TIMP3: variants seen among roughly 807,000 people sequenced by gnomAD.
The protein encoded by TIMP3 is metalloproteinase inhibitor 3.
Under a neutral mutation model 30.0 loss-of-function variants are expected in TIMP3, and 11 were observed. The observed-to-expected ratio is 0.37, with a 90% CI of 0.23 to 0.61. The LOEUF is 0.61. Among genes scored for constraint, TIMP3 ranks in the 20% least tolerant of loss-of-function variants. The pLI is 0.70. For synonymous variants in TIMP3, 112 were observed against 111.3 expected (o/e 1.01, Z -0.04); for missense variants, 181 against 276.8 (o/e 0.65, Z 2.45).
chr22:32,827,192 G>A (rs1469875951), intron 1 of TIMP3, among the ~76,000 whole-genome samples: 2 of 152,208 alleles, frequency 1.3e-5, no homozygotes, highest in Admixed American at 6.5e-5. Flanking sequence ...GGAATTCAGC[G>A]AGTGACTTTG....
At chr22:32,818,702 T>C (rs2047153373) in intron 1 of TIMP3, among the ~76,000 whole-genome samples, 1 of 152,112 alleles carries the variant, frequency 6.6e-6, no homozygotes, top group African/African-American at 2.4e-5. Context: ...CACCATTAAC[T>C]GCAGTCAGAA....
chr22:32,825,569 A>G (rs2047378532), intron 1 of TIMP3, among the ~76,000 whole-genome samples: 1 of 147,058 alleles, frequency 6.8e-6, no homozygotes, highest in African/African-American at 2.5e-5. Flanking sequence ...TGAGGCAGAG[A>G]ATCACTTGAA....
Position 32,847,597 on chromosome 22 carries a change from T to G in TIMP3, c.122-1855T>G, listed in dbSNP as rs535488702. ...GTATGGATGAGGAATCAGTTCTTAG[T>G]AAAGATTTTTTAAAAACAGAGATTA... On this transcript the variant is annotated intron_variant, in intron 1 of 4. Transcript: ENST00000266085. Among the ~76,000 whole-genome samples, 54 of 152,264 alleles carry G rather than the reference T, an allele frequency of 3.5e-4. 1 individual carries two copies. Among genetic ancestry groups the G allele is most frequent in the African/African-American group, 1.3e-3 (53 of 41,562 alleles).
chr22:32,819,328 G>A lies in TIMP3; in HGVS notation c.121+17206G>A, dbSNP rs74929625. On this transcript the variant is annotated intron_variant, in intron 1 of 4. Coordinates refer to ENST00000266085, the MANE Select transcript of TIMP3 (RefSeq NM_000362.5). ...GCATCTCAGGACACAAAGAGGACACGATGCCTTGCTGGTGAGGTCCTGCGG... is the reference window on the plus strand; with the variant it reads ...GCATCTCAGGACACAAAGAGGACACAATGCCTTGCTGGTGAGGTCCTGCGG... Among the ~76,000 whole-genome samples, 903 of 152,330 alleles carry A rather than the reference G, an allele frequency of 5.9e-3. 6 individuals carry two copies. The highest frequency in any genetic ancestry group is 0.02 in the African/African-American group (832 of 41,580).
intron 1 of TIMP3, among the ~76,000 whole-genome samples, chr22:32,838,653 G>C (rs1246777561): frequency 1.3e-5 from 2 of 152,038 alleles, no homozygotes; most frequent in Non-Finnish European, 2.9e-5. Flanking sequence ...TCGGTATTCG[G>C]CCTCTCCAGA....
At chr22:32,809,987 G>A (rs1296376313) in intron 1 of TIMP3, among the ~76,000 whole-genome samples, 1 of 152,224 alleles carries the variant, frequency 6.6e-6, no homozygotes, top group African/African-American at 2.4e-5. Flanking sequence ...GGGATAGACA[G>A]CAGGTAACTG....
rs1555968063 is a variant in TIMP3, at chr22:32,807,348, A to AAT, written c.121+5232_121+5233dup. ...ATATATAATTTATATATAATATATA[A>AAT]ATATATAATATATAATATATATTAT... On this transcript the variant is annotated intron_variant, in intron 1 of 4. Coordinates refer to ENST00000266085, the MANE Select transcript of TIMP3 (RefSeq NM_000362.5). 7.8e-4 allele frequency among the ~76,000 whole-genome samples: 26 copies of AAT among 33,446 alleles called. 1 individual carries two copies. The East Asian group carries it at 0.052, about 66-fold the overall frequency. The allele number at this position is 33,446 out of a possible 152,430, so 21.9% of individuals were successfully genotyped here.
chr22:32,816,542 A>T (rs1253572545), intron 1 of TIMP3, among the ~76,000 whole-genome samples: 1 of 152,184 alleles, frequency 6.6e-6, no homozygotes, highest in East Asian at 1.9e-4. Context: ...TGAGGAGAAC[A>T]GCAGGCAGTT....
At chr22:32,829,188 A>T (rs2047501141) in intron 1 of TIMP3, among the ~76,000 whole-genome samples, 1 of 152,194 alleles carries the variant, frequency 6.6e-6, no homozygotes, top group African/African-American at 2.4e-5. Flanking sequence ...TGCCGGCTTT[A>T]GTCCCAGGCC....
At chr22:32,848,235 G>A (rs2048124344) in intron 1 of TIMP3, among the ~76,000 whole-genome samples, 1 of 152,170 alleles carries the variant, frequency 6.6e-6, no homozygotes, top group South Asian at 2.1e-4. Context: ...CAACCCACTG[G>A]GTGTAATTAC....
chr22:32,842,906 G>C (rs2047954687), intron 1 of TIMP3, among the ~76,000 whole-genome samples: 2 of 152,184 alleles, frequency 1.3e-5, no homozygotes, highest in African/African-American at 4.8e-5. Flanking sequence ...GGTGATCAAA[G>C]GGATGTGGGG....
intron 1 of TIMP3, among the ~76,000 whole-genome samples, chr22:32,812,988 A>G (rs1233345531): frequency 6.6e-6 from 1 of 152,168 alleles, no homozygotes; most frequent in Non-Finnish European, 1.5e-5. Flanking sequence ...AAAAGCTTAT[A>G]CTTAAGGTGG....
chr22:32,824,748 CT>C (rs2047352254), intron 1 of TIMP3, among the ~76,000 whole-genome samples: 2 of 152,136 alleles, frequency 1.3e-5, no homozygotes, highest in African/African-American at 4.8e-5. Flanking sequence ...CGATGTTGTT[CT>C]TTCGCTTCTG....
At chr22:32,819,745 C>G (rs906005882) in intron 1 of TIMP3, among the ~76,000 whole-genome samples, 5 of 152,174 alleles carry the variant, frequency 3.3e-5, no homozygotes, top group Admixed American at 3.3e-4. Context: ...GTTCAAAAAA[C>G]AGAAGAGGAG....
rs150390281 is a variant in TIMP3, at chr22:32,825,170, C to T, written c.121+23048C>T. Among the ~76,000 whole-genome samples, 10 of 152,184 alleles carry T rather than the reference C, an allele frequency of 6.6e-5. 1 individual carries two copies. The East Asian group carries it at 1.9e-3, about 29-fold the overall frequency. The stretch of plus-strand genomic sequence containing the variant: ...AGGACTTGGGGGAGGGATGGGTGAG[C>T]TCGTGGGAACTGAGAAACTGTGTCT... On this transcript the variant is annotated intron_variant, in intron 1 of 4. Transcript: ENST00000266085.
chr22:32,836,848 G>A (rs1204013311), intron 1 of TIMP3, among the ~76,000 whole-genome samples: 2 of 152,160 alleles, frequency 1.3e-5, no homozygotes, highest in African/African-American at 2.4e-5. Flanking sequence ...ATGTACCAGG[G>A]TCTCCTTGGC....
intron 1 of TIMP3, among the ~76,000 whole-genome samples, chr22:32,811,508 C>T (rs921384184): frequency 2.6e-5 from 4 of 152,148 alleles, no homozygotes; most frequent in East Asian, 1.9e-4. Flanking sequence ...AATTCAAAAT[C>T]GTGGTTTGAT....
At chr22:32,828,676 C>A (rs1317926771) in intron 1 of TIMP3, among the ~76,000 whole-genome samples, 1 of 152,178 alleles carries the variant, frequency 6.6e-6, no homozygotes, top group Non-Finnish European at 1.5e-5. Flanking sequence ...GCAGTTAGAA[C>A]CAAGGTTTCC....
chr22:32,855,169 A>G (rs2048330032), intron 2 of TIMP3, among the ~76,000 whole-genome samples: 1 of 152,230 alleles, frequency 6.6e-6, no homozygotes, highest in Non-Finnish European at 1.5e-5. Flanking sequence ...AGGGGATAAC[A>G]GAATTGTGCA....
Sources: gnomAD v4.1 joint callset for allele counts (sites outside exome capture counted in the v4.1 genomes callset) on GRCh38, gnomAD v4.1.1 for gene constraint, MANE v1.5 for transcripts, NCBI Gene and HGNC (gene_info 2026-07-23, HGNC 2026-07-21) for gene names.